Variants in LRMDA observed in about 807,000 individuals in gnomAD.
LRMDA encodes the protein leucine rich melanocyte differentiation associated, also known as leucine-rich melanocyte differentiation-associated protein.
LRMDA carries 18 observed loss-of-function variants against 29.8 expected under a neutral mutation model. The observed-to-expected ratio is 0.60, with a 90% CI of 0.42 to 0.90. The LOEUF (loss-of-function observed/expected upper bound fraction) is 0.90, where lower values mean the gene tolerates loss of function less well. Ranked by LOEUF, LRMDA falls within the 40% of genes least tolerant of loss-of-function variation. LRMDA has a pLI of 0.00. For synonymous variants in LRMDA, 125 were observed against 109.4 expected (o/e 1.14, Z -0.89); for missense variants, 273 against 273.9 (o/e 1.00, Z 0.02).
chr10:75,766,994 T>C (rs1309032621), intron 2 of LRMDA, among the ~76,000 whole-genome samples: 2 of 152,256 alleles, frequency 1.3e-5, no homozygotes, highest in African/African-American at 4.8e-5. Flanking sequence ...TATGGCTGTA[T>C]AATATTCCAT....
chr10:76,123,745 C>G (rs1849830400), intron 5 of LRMDA, among the ~76,000 whole-genome samples: 1 of 152,208 alleles, frequency 6.6e-6, no homozygotes, highest in Non-Finnish European at 1.5e-5. Flanking sequence ...TGCAGCATCT[C>G]AGAAACTGGT....
chr10:76,223,871 CTT>C (rs1488397723), intron 5 of LRMDA, among the ~76,000 whole-genome samples: 1 of 152,216 alleles, frequency 6.6e-6, no homozygotes, highest in Non-Finnish European at 1.5e-5. Context: ...TCCAGCTACT[CTT>C]CTTTCACTTC....
At chr10:75,864,592 T>A (rs879725921) in intron 2 of LRMDA, among the ~76,000 whole-genome samples, 1 of 152,244 alleles carries the variant, frequency 6.6e-6, no homozygotes, top group Non-Finnish European at 1.5e-5. Flanking sequence ...GGTGCAAGAC[T>A]GTGTTTTATC....
intron 6 of LRMDA, among the ~76,000 whole-genome samples, chr10:76,468,347 G>T (rs576623500): frequency 6.6e-6 from 1 of 152,346 alleles, no homozygotes; most frequent in East Asian, 1.9e-4. Flanking sequence ...GAGAGAGCAA[G>T]ACTGTTCTGG....
chr10:75,524,754 T>C (rs1845396019), intron 2 of LRMDA, among the ~76,000 whole-genome samples: 1 of 152,186 alleles, frequency 6.6e-6, no homozygotes, highest in South Asian at 2.1e-4. Flanking sequence ...TAGTATTTTT[T>C]TGTTCTTATT....
chr10:75,573,255 G>A (rs563660810), intron 2 of LRMDA, among the ~76,000 whole-genome samples: 1 of 152,234 alleles, frequency 6.6e-6, no homozygotes, highest in Admixed American at 6.5e-5. Context: ...ATATCAATGT[G>A]TGGATTTGTT....
At chr10:75,845,512 C>A (rs1466429214) in intron 2 of LRMDA, among the ~76,000 whole-genome samples, 11 of 152,200 alleles carry the variant, frequency 7.2e-5, no homozygotes, top group Non-Finnish European at 1.5e-4. Context: ...CAGTCTCATG[C>A]TCCCTTCCCA....
chr10:76,534,502 C>A (rs1331540139), intron 6 of LRMDA, among the ~76,000 whole-genome samples: 1 of 152,140 alleles, frequency 6.6e-6, no homozygotes, highest in Non-Finnish European at 1.5e-5. Flanking sequence ...AAAAATTACA[C>A]CTGGAGGAAA....
intron 5 of LRMDA, among the ~76,000 whole-genome samples, chr10:76,235,740 G>A (rs1390471146): frequency 2.0e-5 from 3 of 152,168 alleles, no homozygotes; most frequent in African/African-American, 7.2e-5. Flanking sequence ...TGAGTTTTGG[G>A]AAGATGGGGT....
intron 2 of LRMDA, among the ~76,000 whole-genome samples, chr10:75,854,522 A>T (rs1564587143): frequency 6.6e-6 from 1 of 152,192 alleles, no homozygotes; most frequent in East Asian, 1.9e-4. Context: ...GCATATTGAA[A>T]TAATCAAGGC....
chr10:76,176,399 T>C (rs11001669), intron 5 of LRMDA, among the ~76,000 whole-genome samples: 29,135 of 152,236 alleles, frequency 0.19, 3,248 homozygotes, highest in East Asian at 0.52. Context: ...AAGTTGTGTG[T>C]GACTGTGTAG....
rs1459553055 is a variant in LRMDA at position 75,937,378 on chromosome 10, T to A, written c.132-98630T>A. ...GAGCCATTTTGGAGCTGCTGTTGTA[T>A]CACAATTCCTCTTGTCAGCCGAGTA... On this transcript the variant is annotated intron_variant, in intron 2 of 6. Transcript: ENST00000611255. 1.3e-5 allele frequency among the ~76,000 whole-genome samples: 2 copies of A among 152,238 alleles called. 1 individual carries two copies. Among genetic ancestry groups the A allele is most frequent in the African/African-American group, 4.8e-5 (2 of 41,464 alleles).
chr10:76,395,347 C>T (rs1412919760), intron 6 of LRMDA, among the ~76,000 whole-genome samples: 2 of 152,168 alleles, frequency 1.3e-5, no homozygotes, highest in East Asian at 1.9e-4. Flanking sequence ...GGATTCATAG[C>T]CCAACAATCT....
intron 5 of LRMDA, among the ~76,000 whole-genome samples, chr10:76,176,008 G>C (rs1366731446): frequency 6.6e-6 from 1 of 152,170 alleles, no homozygotes; most frequent in Non-Finnish European, 1.5e-5. Context: ...GGAATGAGCC[G>C]GGCCTGGAGA....
At chr10:75,516,522 A>G (rs986851676) in intron 2 of LRMDA, among the ~76,000 whole-genome samples, 2 of 152,066 alleles carry the variant, frequency 1.3e-5, no homozygotes, top group African/African-American at 4.8e-5. Context: ...GTGTCTGTTC[A>G]TATCCTTTGC....
chr10:76,206,916 C>T (rs1446545323), intron 5 of LRMDA, among the ~76,000 whole-genome samples: 3 of 152,218 alleles, frequency 2.0e-5, no homozygotes, highest in East Asian at 1.9e-4. Context: ...ATGCGCCAAA[C>T]GCTCTACAGA....
Position 76,007,019 on chromosome 10 carries a change from T to TGTGC in LRMDA, c.132-28986_132-28985insCGTG, listed in dbSNP as rs769235131. Among the ~76,000 whole-genome samples, 28 of 130,068 alleles carry TGTGC rather than the reference T, an allele frequency of 2.2e-4. 2 individuals carry two copies. The highest frequency in any genetic ancestry group is 9.9e-4 in the African/African-American group (27 of 27,306). 85.3% of individuals were successfully genotyped at this position (130,068 alleles called of 152,430 possible). A position where few individuals can be genotyped will look rare whatever the true frequency, so the allele number is the denominator to read the frequency against. On this transcript the variant is annotated intron_variant, in intron 2 of 6. Transcript: ENST00000611255. ...GTGTGTGTGTGTGTGTGTGTGTGTG[T>TGTGC]GTGTGTGTGTGTGCGCGTGTGTGTT...
At chr10:75,718,927 T>C (rs1842533395) in intron 2 of LRMDA, among the ~76,000 whole-genome samples, 1 of 152,236 alleles carries the variant, frequency 6.6e-6, no homozygotes, top group Admixed American at 6.5e-5. Context: ...AATAACCATT[T>C]ACTCCTATCC....
At chr10:75,649,697 T>C (rs2132125609) in intron 2 of LRMDA, among the ~76,000 whole-genome samples, 1 of 152,358 alleles carries the variant, frequency 6.6e-6, no homozygotes, top group African/African-American at 2.4e-5. Context: ...GGTCATATTA[T>C]ATTTCTCATT....
Sources: gnomAD v4.1 joint callset for allele counts (sites outside exome capture counted in the v4.1 genomes callset) on GRCh38, gnomAD v4.1.1 for gene constraint, MANE v1.5 for transcripts, NCBI Gene and HGNC (gene_info 2026-07-23, HGNC 2026-07-21) for gene names.